The following VPS33B variants were observed in gnomAD, a reference collection of about 807,000 sequenced individuals.
VPS33B encodes vacuolar protein sorting-associated protein 33B.
In VPS33B, 80 loss-of-function variants were observed where a neutral mutation model predicts 95.3. The ratio of observed to expected loss-of-function variants is 0.84; its 90% confidence interval spans 0.70 to 1.01. The LOEUF (loss-of-function observed/expected upper bound fraction) is 1.01. VPS33B is among the 50% of genes least tolerant of loss of function. The pLI is 0.00. For synonymous variants in VPS33B, 280 were observed against 280.4 expected, an observed-to-expected ratio of 1.00 and a Z score of 0.01; for missense variants, 715 against 773.4, an observed-to-expected ratio of 0.92 and a Z score of 0.90.
At position 91,015,220 on chromosome 15, in the gene VPS33B, C is replaced by T. The variant is rs778804730; in HGVS notation, c.240-787G>A. 6.6e-6 allele frequency among the ~76,000 whole-genome samples: 1 copy of T among 152,044 alleles called. No homozygotes were observed. Among genetic ancestry groups the T allele is most frequent in the Non-Finnish European group, 1.5e-5 (1 of 68,002 alleles). On this transcript the variant is annotated intron_variant, in intron 3 of 22. Coordinates refer to ENST00000333371, the MANE Select transcript of VPS33B (RefSeq NM_018668.5). This position sits in a 1 kb window ranked among gnomAD's most constrained non-coding sequence, Gnocchi z 4.7. Reference sequence around the variant, plus strand: ...GCATGGTGGCGCATGTCTGTAATCCCAGCTACGCAGGAGGCTGAGGCAGGA... The same window carrying T: ...GCATGGTGGCGCATGTCTGTAATCCTAGCTACGCAGGAGGCTGAGGCAGGA...
Position 91,005,529 on chromosome 15 carries a change from A to C in VPS33B, c.1031-75T>G. The C allele has an allele frequency of 6.2e-7, 1 of 1,608,374 alleles. No homozygotes were observed. Among genetic ancestry groups the C allele is most frequent in the Non-Finnish European group, 8.5e-7 (1 of 1,174,980 alleles). On this transcript the variant is annotated intron_variant, in intron 13 of 22. Coordinates refer to ENST00000333371, the MANE Select transcript of VPS33B (RefSeq NM_018668.5). The surrounding 1 kb of genome is among the most constrained non-coding windows in gnomAD (Gnocchi z 6.4). The stretch of plus-strand genomic sequence containing the variant: ...TCCCTTTATTGTCCGGAAGAATAAA[A>C]AACCTCCTAAGGCAAAATCCGAAAG...
intron 19 of VPS33B, 68 bp downstream of exon 19, chr15:91,001,321 A>AT: frequency 7.6e-7 from 1 of 1,310,602 alleles, no homozygotes; most frequent in East Asian, 2.4e-5. Flanking sequence ...AAAAAAAAAA[A>AT]AAAAAAGAAA....
chr15:91,010,400 A>C lies in VPS33B; in HGVS notation c.358-554T>G, dbSNP rs74746492. ...TGAATCGCTTGAGCCCAGAAGTTCT[A>C]GACCAGTCTGGGCAACATAGTGACA... On this transcript the variant is annotated intron_variant, in intron 5 of 22. Coordinates refer to ENST00000333371, the MANE Select transcript of VPS33B (RefSeq NM_018668.5). The surrounding 1 kb of genome is among the most constrained non-coding windows in gnomAD (Gnocchi z 5.7). 9.9e-3 allele frequency among the ~76,000 whole-genome samples: 1,511 copies of C among 152,314 alleles called. 31 individuals are homozygous for C. The highest frequency in any genetic ancestry group is 0.034 in the African/African-American group (1,417 of 41,552).
intron 18 of VPS33B, among the ~76,000 whole-genome samples, 194 bp downstream of exon 18, chr15:91,001,856 G>A (rs1287507037): frequency 6.6e-6 from 1 of 152,080 alleles, no homozygotes; most frequent in Non-Finnish European, 1.5e-5. Flanking sequence ...GAAACTAAAG[G>A]GCTCAGCACA....
intron 16 of VPS33B, among the ~76,000 whole-genome samples, chr15:91,004,240 GA>G (rs1468881142): frequency 6.8e-6 from 1 of 146,160 alleles, no homozygotes; most frequent in Non-Finnish European, 1.5e-5. Flanking sequence ...AAAAAAAGAA[GA>G]AAAAGAAAAA....
chr15:91,003,130 A>C lies in VPS33B; in HGVS notation c.1227T>G (p.Gly409=). ...GAGATCGGTAATCCTTGGGGATCAA[A>C]CCTAAGAGTGAAGAAAATAAGACAG... ...LMCLLSITEN[G]LIPKDYRSLK... The change falls in exon 17 of 23, where the codon GGT becomes GGG. Residue 409 remains glycine (G), a splice_region_variant and synonymous_variant. Coordinates refer to ENST00000333371, the MANE Select transcript of VPS33B (RefSeq NM_018668.5). 6.2e-7 allele frequency: 1 copy of C among 1,614,170 alleles called. No individual in the cohort carries two copies. The highest frequency in any genetic ancestry group is 8.5e-7 in the Non-Finnish European group (1 of 1,180,010).
Position 91,002,035 on chromosome 15 carries a change from G to A in VPS33B, c.1405+15C>T. ...ACAACAGCTGGAGCAGGGGTCACTT[G>A]TGCTCCCTGCTTACCTGCAGCCTTG... On this transcript the variant is annotated intron_variant, in intron 18 of 22. Transcript: ENST00000333371. This position sits in a 1 kb window ranked among gnomAD's most constrained non-coding sequence, Gnocchi z 4.7. 1 of 1,613,490 alleles carries A rather than the reference G, an allele frequency of 6.2e-7. No individual in the cohort carries two copies. The highest frequency in any genetic ancestry group is 8.5e-7 in the Non-Finnish European group (1 of 1,180,002).
In VPS33B at chr15:90,999,130, G is replaced by C; in HGVS notation, c.1775-76C>G. The C allele has an allele frequency of 7.3e-7, 1 of 1,368,912 alleles. No homozygotes were observed. The highest frequency in any genetic ancestry group is 1.0e-6 in the Non-Finnish European group (1 of 966,288). 84.8% of individuals were successfully genotyped at this position (1,368,912 alleles called of 1,614,324 possible). A position where few individuals can be genotyped will look rare whatever the true frequency, so the allele number is the denominator to read the frequency against. On this transcript the variant is annotated intron_variant, in intron 22 of 22. Coordinates refer to ENST00000333371, the MANE Select transcript of VPS33B (RefSeq NM_018668.5). This position sits in a 1 kb window ranked among gnomAD's most constrained non-coding sequence, Gnocchi z 5.1. ...AACGGCAACCCATAGAGCCTCTCCAGTTCCACAGTCCCCACGGGATCACAG... is the reference window on the plus strand; with the variant it reads ...AACGGCAACCCATAGAGCCTCTCCACTTCCACAGTCCCCACGGGATCACAG...
At position 91,018,111 on chromosome 15, in the gene VPS33B, A is replaced by C; in HGVS notation, c.97-226T>G. The C allele has an allele frequency of 1.8e-6, 1 of 541,952 alleles. No homozygotes were observed. The highest frequency in any genetic ancestry group is 3.4e-6 in the Non-Finnish European group (1 of 295,788). 33.6% of individuals were successfully genotyped at this position (541,952 alleles called of 1,614,324 possible). On this transcript the variant is annotated intron_variant, in intron 1 of 22. Coordinates refer to ENST00000333371, the MANE Select transcript of VPS33B (RefSeq NM_018668.5). The surrounding 1 kb of genome is among the most constrained non-coding windows in gnomAD (Gnocchi z 4.7). ...TGTACCAGTGGGAAGAAGACATCCC[A>C]CCTTCTTTCTCAGGTTAACTCCTTG...
Position 90,999,758 on chromosome 15 carries a change from G to C in VPS33B, c.1693C>G (p.Leu565Val), listed in dbSNP as rs748598273. ...TKEDKASSESLRLILVVFLGG... is the reference protein window; with the variant it reads ...TKEDKASSESVRLILVVFLGG... Reference sequence around the variant, plus strand: ...AAGAACACCACCAAGATGAGGCGCAGGGACTCACTGGAAGCCTTGTCTTCC... The same window carrying C: ...AAGAACACCACCAAGATGAGGCGCACGGACTCACTGGAAGCCTTGTCTTCC... The change falls in exon 22 of 23, where the codon CTG becomes GTG. Residue 565 changes from leucine to valine, a missense_variant. Leu to Val is a conservative substitution (Grantham distance 32). Coordinates refer to ENST00000333371, the MANE Select transcript of VPS33B (RefSeq NM_018668.5). This position sits in a 1 kb window ranked among gnomAD's most constrained non-coding sequence, Gnocchi z 5.1. 6 of 1,614,040 alleles carry C rather than the reference G, an allele frequency of 3.7e-6. No homozygotes were observed. The highest frequency in any genetic ancestry group is 5.1e-6 in the Non-Finnish European group (6 of 1,180,036).
rs796109354 is a variant in VPS33B, at chr15:91,000,249, T to G, written c.1581+241A>C. Among the ~76,000 whole-genome samples the G allele has an allele frequency of 9.2e-5, 14 of 152,170 alleles. No individual in the cohort carries two copies. Among genetic ancestry groups the G allele is most frequent in the African/African-American group, 3.4e-4 (14 of 41,528 alleles). ...CCATCTCTACTAAAAATACAAAAAT[T>G]AGCTGGGTGCAGTGGCACATGCCTG... On this transcript the variant is annotated intron_variant, in intron 20 of 22. Transcript: ENST00000333371. The surrounding 1 kb of genome is among the most constrained non-coding windows in gnomAD (Gnocchi z 4.9).
rs376336667 is a variant in VPS33B, at chr15:91,008,007, A to G, written c.404-43T>C. ...ATCAGCCTCCCTGCAGAAGGTACTT[A>G]GCTCCACGTTAAGAGGGAAGGTCCG... On this transcript the variant is annotated intron_variant, in intron 6 of 22. Coordinates refer to ENST00000333371, the MANE Select transcript of VPS33B (RefSeq NM_018668.5). 46 of 1,591,410 alleles carry G rather than the reference A, an allele frequency of 2.9e-5. No homozygotes were observed. In the African/African-American group the frequency reaches 5.4e-4, roughly 19 times the overall value.
Position 91,002,123 on chromosome 15 carries a change from C to A in VPS33B, c.1332G>T (p.Thr444=). The change falls in exon 18 of 23, where the codon ACG becomes ACT. Residue 444 remains threonine, a synonymous_variant. Coordinates refer to ENST00000333371, the MANE Select transcript of VPS33B (RefSeq NM_018668.5). This position sits in a 1 kb window ranked among gnomAD's most constrained non-coding sequence, Gnocchi z 4.7. ...TGAGGGTGTCCCCGGGGGCCTGCTC[C>A]GTTAGGAGCCCAGCTCTTCGCAGAT... The part of the protein sequence containing the change: ...FSNLRRAGLL[T]EQAPGDTLTA... The A allele has an allele frequency of 1.2e-6, 2 of 1,614,146 alleles. No individual in the cohort carries two copies. Among genetic ancestry groups the A allele is most frequent in the Non-Finnish European group, 8.5e-7 (1 of 1,180,022 alleles).
rs1330366810 is a variant in VPS33B at position 91,005,608 on chromosome 15, TCTC to T, written c.1030+83_1030+85del. ...ACCATATGCATCAGATGAACAGGGATCTCCTCCTCGGGAGTAATGGTCCTCTGG... is the reference window on the plus strand; with the variant it reads ...ACCATATGCATCAGATGAACAGGGATCTCCTCGGGAGTAATGGTCCTCTGG... On this transcript the variant is annotated intron_variant, in intron 13 of 22. Coordinates refer to ENST00000333371, the MANE Select transcript of VPS33B (RefSeq NM_018668.5). The surrounding 1 kb of genome is among the most constrained non-coding windows in gnomAD (Gnocchi z 6.4). The T allele has an allele frequency of 6.5e-5, 103 of 1,582,206 alleles. No individual in the cohort carries two copies. The East Asian group carries it at 2.1e-3, about 33-fold the overall frequency.
intron 3 of VPS33B, among the ~76,000 whole-genome samples, chr15:91,014,718 A>G (rs1285806691): frequency 6.6e-6 from 1 of 152,252 alleles, no homozygotes; most frequent in Non-Finnish European, 1.5e-5. Flanking sequence ...AGATGCAGAT[A>G]TGGAGTATAT....
At position 91,004,951 on chromosome 15, in the gene VPS33B, C is replaced by A; in HGVS notation, c.1171-20G>T. On this transcript the variant is annotated intron_variant, in intron 15 of 22. Transcript: ENST00000333371. ...CGACACCTGCATAGGAAGAAAGAAT[C>A]AAGGAGAATTGAAGCTTCACAACAC... 6.2e-7 allele frequency: 1 copy of A among 1,614,202 alleles called. No individual in the cohort carries two copies. Among genetic ancestry groups the A allele is most frequent in the East Asian group, 2.2e-5 (1 of 44,890 alleles).
In VPS33B at chr15:90,999,689, C is replaced by T; in HGVS notation, c.1762G>A (p.Gly588Ser). 1 of 1,614,080 alleles carries T rather than the reference C, an allele frequency of 6.2e-7. No individual in the cohort carries two copies. The highest frequency in any genetic ancestry group is 8.5e-7 in the Non-Finnish European group (1 of 1,180,000). Residue 588 changes from glycine to serine, a missense_variant, in exon 22 of 23, where the codon GGC becomes AGC. Coordinates refer to ENST00000333371, the MANE Select transcript of VPS33B (RefSeq NM_018668.5). This position sits in a 1 kb window ranked among gnomAD's most constrained non-coding sequence, Gnocchi z 5.1. Reference sequence around the variant, plus strand: ...TGCTCTCTCTTACCTTTCTCTCTGCCCAGGAACCGGAGGGCTGAGATCTCA... The same window carrying T: ...TGCTCTCTCTTACCTTTCTCTCTGCTCAGGAACCGGAGGGCTGAGATCTCA... ...FSEISALRFLGREKGYRFIFL... is the reference protein window; with the variant it reads ...FSEISALRFLSREKGYRFIFL...
Position 91,002,484 on chromosome 15 carries a change from A to G in VPS33B, c.1273-302T>C, listed in dbSNP as rs2040467603. On this transcript the variant is annotated intron_variant, in intron 17 of 22. Coordinates refer to ENST00000333371, the MANE Select transcript of VPS33B (RefSeq NM_018668.5). The surrounding 1 kb of genome is among the most constrained non-coding windows in gnomAD (Gnocchi z 4.7). ...CATCTCTACTAAAAATACAAAAATT[A>G]GATGGGCATGGTGGCTCGTGCCTGT... is the stretch of plus-strand genomic sequence containing the variant. Among the ~76,000 whole-genome samples, 1 of 152,052 alleles carries G rather than the reference A, an allele frequency of 6.6e-6. No homozygotes were observed.
At chr15:90,998,610 T>C (rs371391650), downstream of VPS33B, 21 of 360,414 alleles carry the variant, frequency 5.8e-5, no homozygotes, top group East Asian at 1.3e-3. The surrounding 1 kb of genome is among the most constrained non-coding windows in gnomAD (Gnocchi z 4.8). Flanking sequence ...GAAGCCCCTG[T>C]AGCAAGCTCC....
Sources: gnomAD v4.1 joint callset for allele counts (sites outside exome capture counted in the v4.1 genomes callset) on GRCh38, gnomAD v4.1.1 for gene constraint, Gnocchi (gnomAD v3.1) non-coding constraint, MANE v1.5 for transcripts, NCBI Gene and HGNC (gene_info 2026-07-23, HGNC 2026-07-21) for gene names.